NRXN3: variants seen among roughly 807,000 people sequenced by gnomAD.
NRXN3 encodes the protein neurexin III.
In NRXN3, 32 loss-of-function variants were observed where a neutral mutation model predicts 137.6. The observed-to-expected ratio is 0.23, with a 90% CI of 0.18 to 0.31. The LOEUF (loss-of-function observed/expected upper bound fraction) is 0.31. Among genes scored for constraint, NRXN3 ranks in the 10% least tolerant of loss-of-function variants. The pLI is 1.00. For missense variants in NRXN3, 1,574 were observed against 2,062.5 expected (o/e 0.76, Z 4.59); for synonymous variants, 798 against 784.5 (o/e 1.02, Z -0.29).
chr14:79,789,887 T>G (rs965247440), intron 19 of NRXN3, among the ~76,000 whole-genome samples: 1 of 152,084 alleles, frequency 6.6e-6, no homozygotes, highest in South Asian at 2.1e-4. Context: ...TTTACCCAGC[T>G]CCTATTCAAG....
At chr14:79,360,121 G>A (rs2093631851) in intron 15 of NRXN3, among the ~76,000 whole-genome samples, 2 of 152,114 alleles carry the variant, frequency 1.3e-5, no homozygotes, top group Admixed American at 1.3e-4. Flanking sequence ...ACAAATCAAG[G>A]TGGTATATTA....
chr14:78,338,787 C>T (rs1242760207), intron 4 of NRXN3, among the ~76,000 whole-genome samples: 2 of 152,130 alleles, frequency 1.3e-5, no homozygotes, highest in African/African-American at 4.8e-5. Context: ...AAAAATTAGG[C>T]TTTGGTACTT....
At chr14:78,905,879 G>A (rs1003856390) in intron 10 of NRXN3, among the ~76,000 whole-genome samples, 4 of 151,906 alleles carry the variant, frequency 2.6e-5, no homozygotes, top group African/African-American at 7.3e-5. Context: ...AGTATTAGGG[G>A]ATTACCAAAA....
intron 15 of NRXN3, among the ~76,000 whole-genome samples, chr14:79,268,701 T>C (rs2078825381): frequency 6.6e-6 from 1 of 152,142 alleles, no homozygotes; most frequent in Admixed American, 6.5e-5. Context: ...GTAGACACAG[T>C]AGATAGGTGG....
intron 8 of NRXN3, among the ~76,000 whole-genome samples, chr14:78,743,109 A>G (rs2098588187): frequency 6.6e-6 from 1 of 152,214 alleles, no homozygotes. Context: ...ATCAAAGCAA[A>G]AAAGATTTGA....
At chr14:78,765,341 TG>T (rs1398815765) in intron 8 of NRXN3, among the ~76,000 whole-genome samples, 1 of 152,120 alleles carries the variant, frequency 6.6e-6, no homozygotes, top group Non-Finnish European at 1.5e-5. Context: ...TTAGTAGACA[TG>T]GGGTTTCTCC....
At chr14:79,457,432 G>A (rs552948239) in intron 15 of NRXN3, among the ~76,000 whole-genome samples, 39 of 152,296 alleles carry the variant, frequency 2.6e-4, no homozygotes, top group African/African-American at 9.4e-4. Flanking sequence ...TGAGGTAGAA[G>A]TGTTGTCGCC....
intron 4 of NRXN3, among the ~76,000 whole-genome samples, chr14:78,482,468 A>G (rs1200994000): frequency 2.0e-5 from 3 of 152,168 alleles, no homozygotes; most frequent in African/African-American, 4.8e-5. Context: ...AGCTGGGGCT[A>G]GACCCTCCTC....
chr14:79,321,146 CTTAGTATTGT>C (rs541140946), intron 15 of NRXN3, among the ~76,000 whole-genome samples: 22 of 152,010 alleles, frequency 1.4e-4, no homozygotes, highest in African/African-American at 5.1e-4. Flanking sequence ...CCCTGAATTG[CTTAGTATTGT>C]TTATATATGA....
intron 6 of NRXN3, among the ~76,000 whole-genome samples, chr14:78,661,891 T>C (rs1351118011): frequency 7.2e-6 from 1 of 139,794 alleles, no homozygotes; most frequent in African/African-American, 2.7e-5. Context: ...TCTGAGACAG[T>C]TTTTTTTTTT....
chr14:78,794,118 A>G (rs931249972), intron 8 of NRXN3, among the ~76,000 whole-genome samples: 1 of 152,138 alleles, frequency 6.6e-6, no homozygotes, highest in Non-Finnish European at 1.5e-5. Flanking sequence ...TGGTGGCTCA[A>G]ACCCGTAATC....
At chr14:78,277,939 G>A (rs2073840858) in intron 2 of NRXN3, among the ~76,000 whole-genome samples, 2 of 152,150 alleles carry the variant, frequency 1.3e-5, no homozygotes, top group South Asian at 4.1e-4. Context: ...ATTAGTGTTA[G>A]GGTGAAAAGC....
intron 10 of NRXN3, among the ~76,000 whole-genome samples, chr14:78,897,853 C>T (rs1482821412): frequency 2.6e-5 from 4 of 151,974 alleles, no homozygotes; most frequent in Admixed American, 2.6e-4. Flanking sequence ...ATCAGGGCTT[C>T]CTTGGCCTTC....
At chr14:79,663,754 G>C in intron 16 of NRXN3, 24 bp from the exon 17 acceptor site, 2 of 1,606,800 alleles carry the variant, frequency 1.2e-6, no homozygotes, top group Non-Finnish European at 1.7e-6. Context: ...TGATAACTAT[G>C]CCTTTTGTGT....
intron 15 of NRXN3, among the ~76,000 whole-genome samples, chr14:79,250,514 G>A (rs2075788492): frequency 1.3e-5 from 2 of 152,144 alleles, no homozygotes; most frequent in South Asian, 2.1e-4. Flanking sequence ...AAGTCACTAT[G>A]AGTATTATTA....
At chr14:79,600,586 G>A (rs568712118) in intron 16 of NRXN3, among the ~76,000 whole-genome samples, 6 of 152,226 alleles carry the variant, frequency 3.9e-5, no homozygotes, top group Non-Finnish European at 8.8e-5. Flanking sequence ...CAGCAGGGGA[G>A]AGATGTGAGA....
chr14:79,185,796 C>G (rs1490564328), intron 15 of NRXN3, among the ~76,000 whole-genome samples: 1 of 152,110 alleles, frequency 6.6e-6, no homozygotes. Flanking sequence ...CTACAGCTGA[C>G]TGAAATTTTT....
intron 10 of NRXN3, among the ~76,000 whole-genome samples, chr14:78,837,287 T>C (rs994195679): frequency 1.4e-4 from 22 of 152,168 alleles, no homozygotes; most frequent in African/African-American, 5.1e-4. Context: ...CCTGTTAAAA[T>C]GAAAACAAAC....
intron 15 of NRXN3, among the ~76,000 whole-genome samples, chr14:79,353,972 A>G (rs1442297943): frequency 6.6e-6 from 1 of 152,162 alleles, no homozygotes; most frequent in Non-Finnish European, 1.5e-5. Flanking sequence ...ACTTTTCAGT[A>G]TGCTAACTTT....
Sources: gnomAD v4.1 joint callset for allele counts (sites outside exome capture counted in the v4.1 genomes callset) on GRCh38, gnomAD v4.1.1 for gene constraint, MANE v1.5 for transcripts, NCBI Gene and HGNC (gene_info 2026-07-23, HGNC 2026-07-21) for gene names.